Variants in BIRC6 observed in about 807,000 individuals in gnomAD.
The protein encoded by BIRC6 is dual E2 ubiquitin-conjugating enzyme/E3 ubiquitin-protein ligase BIRC6.
BIRC6 carries 98 observed loss-of-function variants against 503.3 expected under a neutral mutation model. That is an observed-to-expected ratio of 0.19 (90% CI 0.17 to 0.23). The LOEUF (loss-of-function observed/expected upper bound fraction) is 0.23, where lower values mean the gene tolerates loss of function less well. Ranked by LOEUF, BIRC6 falls within the 10% of genes least tolerant of loss-of-function variation. The pLI is 1.00. For synonymous variants in BIRC6, 2,240 were observed against 2,078.7 expected, an observed-to-expected ratio of 1.08 and a Z score of -2.11; for missense variants, 5,360 against 5,806.0, an observed-to-expected ratio of 0.92 and a Z score of 2.50.
intron 5 of BIRC6, among the ~76,000 whole-genome samples, chr2:32,394,109 T>C (rs2039576319): frequency 6.6e-6 from 1 of 151,762 alleles, no homozygotes; most frequent in African/African-American, 2.4e-5. Flanking sequence ...TGTCTTTCTT[T>C]TAATTTGGTG....
At position 32,512,981 on chromosome 2, in the gene BIRC6, T is replaced by A; in HGVS notation, c.10395T>A (p.Ala3465=). The A allele has an allele frequency of 6.2e-7, 1 of 1,613,992 alleles. No homozygotes were observed. The highest frequency in any genetic ancestry group is 8.5e-7 in the Non-Finnish European group (1 of 1,179,872). ...TTAGTGATTCTGCAAGAGTGGCTGC[T>A]ATGAAGAGAAGTGGCAGGATGAACT... ...KWVSDSARVA[A]MKRSGRMNYM... The change falls in exon 54 of 74, where the codon GCT becomes GCA. Residue 3465 remains alanine (A), a synonymous_variant. Coordinates refer to ENST00000421745, the MANE Select transcript of BIRC6 (RefSeq NM_016252.4).
In BIRC6 at chr2:32,577,642, A is replaced by G. The variant is rs565015478; in HGVS notation, c.13355+2276A>G. Among the ~76,000 whole-genome samples, 69 of 152,324 alleles carry G rather than the reference A, an allele frequency of 4.5e-4. 1 individual carries two copies. In the South Asian group the frequency reaches 0.013, roughly 30 times the overall value. On this transcript the variant is annotated intron_variant, in intron 66 of 73. Transcript: ENST00000421745. ...CTTATTGCAGGAAATTTGGACACCT[A>G]TAGTGCCTCTTTGGTCTATTTGCTT...
chr2:32,357,280 G>T lies in BIRC6; in HGVS notation c.119G>T (p.Gly40Val), dbSNP rs1271007297. 6.6e-7 allele frequency: 1 copy of T among 1,524,900 alleles called. No homozygotes were observed. Among genetic ancestry groups the T allele is most frequent in the Admixed American group, 2.1e-5 (1 of 47,592 alleles). 94.5% of individuals were successfully genotyped at this position (1,524,900 alleles called of 1,614,324 possible). The change falls in exon 1 of 74, where the codon GGC becomes GTC. Residue 40 changes from glycine to valine, a missense_variant. Transcript: ENST00000421745. This position sits in a 1 kb window ranked among gnomAD's most constrained non-coding sequence, Gnocchi z 4.9. Reference sequence around the variant, plus strand: ...GCGGCTGCGGCGGCCTCGGGCCCCGGCTGCTCCTCGGCGGCGGGGGCGGGG... The same window carrying T: ...GCGGCTGCGGCGGCCTCGGGCCCCGTCTGCTCCTCGGCGGCGGGGGCGGGG... ...AAAAAAASGP[G>V]CSSAAGAGAA...
intron 1 of BIRC6, among the ~76,000 whole-genome samples, chr2:32,359,470 T>C (rs1211253030): frequency 2.0e-5 from 3 of 152,220 alleles, no homozygotes; most frequent in African/African-American, 7.2e-5. Context: ...GTTTTAGATG[T>C]ATAACATGAA....
At chr2:32,545,003 A>C (rs1268080544) in intron 62 of BIRC6, among the ~76,000 whole-genome samples, 1 of 152,128 alleles carries the variant, frequency 6.6e-6, no homozygotes, top group African/African-American at 2.4e-5. Flanking sequence ...TGGTATTTCA[A>C]CACTGTTACC....
intron 73 of BIRC6, among the ~76,000 whole-genome samples, chr2:32,615,386 C>T (rs571344159): frequency 2.1e-4 from 32 of 152,124 alleles, no homozygotes; most frequent in African/African-American, 6.8e-4. Context: ...TCTCACTTAC[C>T]GGCATGTAAA....
Position 32,465,091 on chromosome 2 carries a change from T to C in BIRC6, c.5283T>C (p.Leu1761=), listed in dbSNP as rs1159863260. Residue 1761 remains leucine, a synonymous_variant, in exon 26 of 74, where the codon CTT becomes CTC. Transcript: ENST00000421745. ...RMNPLGSGLA[L]AISHASHFLQ... ...ATCCACTTGGTTCTGGTCTAGCCCT[T>C]GCAATTTCTCATGCTTCACATTTTC... is the stretch of plus-strand genomic sequence containing the variant. The C allele has an allele frequency of 2.5e-6, 4 of 1,606,900 alleles. No homozygotes were observed. Among genetic ancestry groups the C allele is most frequent in the East Asian group, 2.2e-5 (1 of 44,678 alleles).
At chr2:32,393,433 C>T (rs539673150) in intron 5 of BIRC6, among the ~76,000 whole-genome samples, 2 of 152,270 alleles carry the variant, frequency 1.3e-5, no homozygotes, top group Non-Finnish European at 1.5e-5. Flanking sequence ...GAGTGGCTTA[C>T]CACTGTTACC....
chr2:32,575,639 C>T (rs1301056906), intron 66 of BIRC6, among the ~76,000 whole-genome samples: 3 of 152,032 alleles, frequency 2.0e-5, no homozygotes, highest in Non-Finnish European at 4.4e-5. Context: ...GTGGCGGGCA[C>T]CTGTAGTCCC....
At chr2:32,387,348 C>T (rs1009091623) in intron 3 of BIRC6, among the ~76,000 whole-genome samples, 2 of 134,616 alleles carry the variant, frequency 1.5e-5, no homozygotes, top group African/African-American at 5.6e-5. Flanking sequence ...TTTTTGTCTA[C>T]AAGTTTTTCC....
In BIRC6 at chr2:32,607,522, G is replaced by T; in HGVS notation, c.14138G>T (p.Arg4713Leu). Residue 4713 changes from arginine (R) to leucine (L), a missense_variant, in exon 72 of 74, where the codon CGG becomes CTG. Physicochemically the swap from Arg to Leu is moderately radical, Grantham distance 102. This residue lies in a region of BIRC6 where 40 missense variants were observed against 53.4 expected (regional missense o/e 0.75). Coordinates refer to ENST00000421745, the MANE Select transcript of BIRC6 (RefSeq NM_016252.4). ...EPYFNEPGYE[R>L]SRGTPSGTQS... is the part of the protein sequence containing the mutation. Reference sequence around the variant, plus strand: ...TATTTTAATGAACCGGGATATGAACGGTCTAGAGGCACTCCCAGTGGCACA... The same window carrying T: ...TATTTTAATGAACCGGGATATGAACTGTCTAGAGGCACTCCCAGTGGCACA... 6.2e-7 allele frequency: 1 copy of T among 1,612,586 alleles called. No homozygotes were observed. The highest frequency in any genetic ancestry group is 8.5e-7 in the Non-Finnish European group (1 of 1,179,010).
chr2:32,368,199 T>G (rs1477702989), intron 1 of BIRC6, among the ~76,000 whole-genome samples: 1 of 152,060 alleles, frequency 6.6e-6, no homozygotes, highest in Non-Finnish European at 1.5e-5. Context: ...TTTCTTCTTC[T>G]TCTCAGAAGT....
At chr2:32,588,847 GT>G (rs2061229112) in intron 66 of BIRC6, among the ~76,000 whole-genome samples, 1 of 152,070 alleles carries the variant, frequency 6.6e-6, no homozygotes, top group Non-Finnish European at 1.5e-5. Context: ...AATTCATTCT[GT>G]TACCCACAAA....
At chr2:32,588,779 T>C (rs2061225038) in intron 66 of BIRC6, among the ~76,000 whole-genome samples, 1 of 152,238 alleles carries the variant, frequency 6.6e-6, no homozygotes, top group Non-Finnish European at 1.5e-5. Flanking sequence ...CATAATACTT[T>C]AAATCTGTAC....
rs375425164 is a variant in BIRC6 at position 32,509,756 on chromosome 2, A to G, written c.9999A>G (p.Leu3333=). ...TTTTCAGTATTGGATGGTTACGGTT[A>G]TTACATCATTGCCTTACTCACATAA... ...VSKTSIGWLR[L]LHHCLTHISD... is the part of the protein sequence containing the mutation. The change falls in exon 52 of 74, where the codon TTA becomes TTG. Residue 3333 remains leucine (L), a synonymous_variant. Transcript: ENST00000421745. The G allele has an allele frequency of 1.5e-5, 24 of 1,613,888 alleles. No homozygotes were observed. Among genetic ancestry groups the G allele is most frequent in the Non-Finnish European group, 1.9e-5 (22 of 1,179,884 alleles).
chr2:32,387,887 A>G (rs1558590332), intron 3 of BIRC6, among the ~76,000 whole-genome samples: 2 of 152,170 alleles, frequency 1.3e-5, no homozygotes, highest in Non-Finnish European at 2.9e-5. Context: ...TTTCCAGAAT[A>G]GTTAGTTGAG....
At chr2:32,545,949 C>A in intron 63 of BIRC6, 89 bp downstream of exon 63, 1 of 1,205,336 alleles carries the variant, frequency 8.3e-7, no homozygotes, top group Non-Finnish European at 1.2e-6. Context: ...ATTAATCTTT[C>A]AGAGACTTGG....
At chr2:32,474,984 T>C (rs905825746) in intron 33 of BIRC6, among the ~76,000 whole-genome samples, 2 of 150,612 alleles carry the variant, frequency 1.3e-5, no homozygotes, top group African/African-American at 4.9e-5. Context: ...TTGAGGCGGG[T>C]GGATCAGTTG....
chr2:32,565,847 A>T (rs2059499237), intron 65 of BIRC6: 1 of 152,054 alleles, frequency 6.6e-6, no homozygotes, highest in Admixed American at 6.6e-5. Flanking sequence ...CCCTTATAAA[A>T]CCATCATATC....
Sources: gnomAD v4.1 joint callset for allele counts (sites outside exome capture counted in the v4.1 genomes callset) on GRCh38, gnomAD v4.1.1 for gene constraint, gnomAD v4.1.1 regional missense constraint, Gnocchi (gnomAD v3.1) non-coding constraint, MANE v1.5 for transcripts, NCBI Gene and HGNC (gene_info 2026-07-23, HGNC 2026-07-21) for gene names.